Variants in HECW1 observed in about 807,000 individuals in gnomAD.
HECW1 encodes HECT, C2 and WW domain containing E3 ubiquitin protein ligase 1.
Under a neutral mutation model 182.3 loss-of-function variants are expected in HECW1, and 61 were observed. The ratio of observed to expected loss-of-function variants is 0.33; its 90% CI spans 0.27 to 0.41. The LOEUF is 0.41. Ranked by LOEUF, HECW1 falls within the 10% of genes least tolerant of loss-of-function variation. The pLI is 1.00. For missense variants in HECW1, 1,739 were observed against 2,108.9 expected (o/e 0.82, Z 3.44); for synonymous variants, 859 against 832.6 (o/e 1.03, Z -0.55).
At chr7:43,128,162 G>A (rs1243297965) in intron 2 of HECW1, among the ~76,000 whole-genome samples, 2 of 152,176 alleles carry the variant, frequency 1.3e-5, no homozygotes, top group African/African-American at 4.8e-5. Context: ...TTACAGGCGT[G>A]AGCCACCGCA....
At chr7:43,202,491 T>G (rs1583947145) in intron 2 of HECW1, among the ~76,000 whole-genome samples, 1 of 151,630 alleles carries the variant, frequency 6.6e-6, no homozygotes, top group Non-Finnish European at 1.5e-5. Flanking sequence ...TTTTTTTTTT[T>G]GAAACAGAAT....
chr7:43,140,801 G>A (rs1195050576), intron 2 of HECW1, among the ~76,000 whole-genome samples: 1 of 152,150 alleles, frequency 6.6e-6, no homozygotes, highest in Non-Finnish European at 1.5e-5. Context: ...CTGAGGTCAA[G>A]GTTCCCACTG....
intron 4 of HECW1, among the ~76,000 whole-genome samples, chr7:43,319,133 A>T (rs2152779113): frequency 6.6e-6 from 1 of 151,726 alleles, no homozygotes; most frequent in East Asian, 1.9e-4. Flanking sequence ...CACGCCTGTA[A>T]TCCCAGCACT....
At chr7:43,246,279 C>G (rs67487907) in intron 3 of HECW1, among the ~76,000 whole-genome samples, 40,444 of 151,808 alleles carry the variant, frequency 0.27, 6,205 homozygotes, top group African/African-American at 0.43. Context: ...TTCCAGCCTG[C>G]GTGACGTAGC....
Position 43,243,096 on chromosome 7 carries a change from A to G in HECW1, c.-31-779A>G, listed in dbSNP as rs1271031899. ...TCATAGACTGCTTTTTTCTGGAATC[A>G]GGCCACATTGATTATTTTCATGGTG... On this transcript the variant is annotated intron_variant, in intron 2 of 29. Transcript: ENST00000395891. The surrounding 1 kb of genome is among the most constrained non-coding windows in gnomAD (Gnocchi z 4.0). Among the ~76,000 whole-genome samples the G allele has an allele frequency of 1.3e-5, 2 of 152,304 alleles. No individual in the cohort carries two copies. Among genetic ancestry groups the G allele is most frequent in the African/African-American group, 4.8e-5 (2 of 41,580 alleles).
intron 2 of HECW1, among the ~76,000 whole-genome samples, chr7:43,155,032 C>G (rs1474847997): frequency 1.3e-5 from 2 of 152,122 alleles, no homozygotes; most frequent in African/African-American, 2.4e-5. Flanking sequence ...AAGGCTGCAG[C>G]TCAGGTGACT....
intron 8 of HECW1, among the ~76,000 whole-genome samples, chr7:43,433,130 A>G (rs2024270): frequency 0.18 from 28,010 of 152,146 alleles, 2,707 homozygotes; most frequent in Middle Eastern, 0.23. Flanking sequence ...TCTAATGGGT[A>G]GAGATTCACT....
At chr7:43,167,452 G>A (rs925280764) in intron 2 of HECW1, among the ~76,000 whole-genome samples, 2 of 152,184 alleles carry the variant, frequency 1.3e-5, no homozygotes, top group South Asian at 4.1e-4. Flanking sequence ...CTAGAAGGGT[G>A]GATATGAATT....
chr7:43,508,033 G>A lies in HECW1; in HGVS notation c.3768G>A (p.Arg1256=), dbSNP rs2079664330. ...TCCTTCTCAGGCTCATTATTCGCCG[G>A]GATCATTTGTTGGAGGGAACCTTCA... The part of the protein sequence containing the change: ...GPGKIKLIIR[R]DHLLEGTFNQ... The change falls in exon 23 of 30, where the codon CGG becomes CGA. Residue 1256 remains arginine, a synonymous_variant. Coordinates refer to ENST00000395891, the MANE Select transcript of HECW1 (RefSeq NM_015052.5). 6.2e-7 allele frequency: 1 copy of A among 1,613,470 alleles called. No homozygotes were observed. Among genetic ancestry groups the A allele is most frequent in the South Asian group, 1.1e-5 (1 of 91,074 alleles).
intron 24 of HECW1, among the ~76,000 whole-genome samples, chr7:43,538,679 G>A (rs145220026): frequency 1.1e-3 from 166 of 152,212 alleles, no homozygotes; most frequent in East Asian, 3.9e-3. Flanking sequence ...ATTGACCCTC[G>A]GTTTCTTAAT....
intron 3 of HECW1, among the ~76,000 whole-genome samples, chr7:43,290,559 T>G (rs947763132): frequency 6.6e-5 from 10 of 152,214 alleles, no homozygotes; most frequent in African/African-American, 2.4e-4. Flanking sequence ...CCTCCCTTCT[T>G]GTCATGGATG....
intron 24 of HECW1, among the ~76,000 whole-genome samples, chr7:43,540,900 G>A (rs193136036): frequency 1.3e-5 from 2 of 152,084 alleles, no homozygotes; most frequent in Non-Finnish European, 2.9e-5. Context: ...CATTCTCCAC[G>A]GTCTGAAAAA....
chr7:43,489,939 T>C (rs1257622238), intron 17 of HECW1, among the ~76,000 whole-genome samples: 1 of 152,252 alleles, frequency 6.6e-6, no homozygotes, highest in African/African-American at 2.4e-5. Flanking sequence ...TCCTGAATTC[T>C]GTGTGAGTGA....
chr7:43,368,183 A>G (rs963927991), intron 6 of HECW1, among the ~76,000 whole-genome samples: 1 of 152,232 alleles, frequency 6.6e-6, no homozygotes, highest in African/African-American at 2.4e-5. Flanking sequence ...GCAAGTGTGT[A>G]GCGGGGAGAC....
intron 5 of HECW1, among the ~76,000 whole-genome samples, chr7:43,355,996 A>G (rs1261371342): frequency 6.6e-6 from 1 of 152,158 alleles, no homozygotes; most frequent in Non-Finnish European, 1.5e-5. Context: ...AAAAAAATAA[A>G]TAAAATGAAA....
intron 6 of HECW1, chr7:43,377,936 C>G: frequency 5.4e-6 from 1 of 185,792 alleles, no homozygotes; most frequent in Non-Finnish European, 1.1e-5. Flanking sequence ...GACTGCATTT[C>G]CAAGGAGGTT....
chr7:43,469,222 G>C, intron 16 of HECW1, 117 bp downstream of exon 16: 1 of 1,098,572 alleles, frequency 9.1e-7, no homozygotes, highest in African/African-American at 1.6e-5. Flanking sequence ...ATGTGCTATC[G>C]GCCGCCAGCA....
chr7:43,182,470 G>A (rs761131251), intron 2 of HECW1, among the ~76,000 whole-genome samples: 2 of 152,182 alleles, frequency 1.3e-5, no homozygotes, highest in Non-Finnish European at 2.9e-5. Context: ...CTGTAGATGT[G>A]TGGATTTATT....
At chr7:43,249,765 A>T (rs964817632) in intron 3 of HECW1, among the ~76,000 whole-genome samples, 1 of 152,230 alleles carries the variant, frequency 6.6e-6, no homozygotes, top group Non-Finnish European at 1.5e-5. Context: ...CCAGCTTTAT[A>T]TGCAGCCACA....
Sources: allele counts gnomAD v4.1 joint callset (sites outside exome capture counted in the v4.1 genomes callset), GRCh38; gene constraint gnomAD v4.1.1; non-coding constraint Gnocchi (gnomAD v3.1); transcripts MANE v1.5; gene names NCBI Gene and HGNC (gene_info 2026-07-23, HGNC 2026-07-21).